The following KCNIP4 variants were observed in gnomAD, a reference collection of about 807,000 sequenced individuals.
KCNIP4 encodes the protein Kv channel-interacting protein 4.
In KCNIP4, 12 loss-of-function variants were observed where a neutral mutation model predicts 34.0. The ratio of observed to expected loss-of-function variants is 0.35; its 90% confidence interval spans 0.23 to 0.57. The LOEUF (loss-of-function observed/expected upper bound fraction) is 0.57. Among genes scored for constraint, KCNIP4 ranks in the 20% least tolerant of loss-of-function variants. The pLI, the probability that KCNIP4 is intolerant of heterozygous loss-of-function variation, is 0.83. For synonymous variants in KCNIP4, 124 were observed against 102.2 expected, an observed-to-expected ratio of 1.21 and a Z score of -1.29; for missense variants, 238 against 311.7, an observed-to-expected ratio of 0.76 and a Z score of 1.78.
intron 1 of KCNIP4, among the ~76,000 whole-genome samples, chr4:21,415,961 G>A (rs1480968361): frequency 2.0e-5 from 3 of 152,132 alleles, no homozygotes; most frequent in Non-Finnish European, 2.9e-5. Flanking sequence ...CTCTTCCGAC[G>A]TAGGCATTTT....
chr4:20,961,333 C>T (rs1019774875), intron 1 of KCNIP4, among the ~76,000 whole-genome samples: 1 of 152,102 alleles, frequency 6.6e-6, no homozygotes, highest in Admixed American at 6.5e-5. Context: ...CTTTATCCAG[C>T]CACCATCCTA....
Position 20,954,063 on chromosome 4 carries a change from G to A in KCNIP4, c.62-71354C>T, listed in dbSNP as rs1449219681. Among the ~76,000 whole-genome samples, 4 of 152,074 alleles carry A rather than the reference G, an allele frequency of 2.6e-5. No individual in the cohort carries two copies. In the South Asian group the frequency reaches 8.3e-4, roughly 32 times the overall value. On this transcript the variant is annotated intron_variant, in intron 1 of 8. Coordinates refer to ENST00000382152, the MANE Select transcript of KCNIP4 (RefSeq NM_025221.6). ...TAACATCCCTATTTCCAAGCTATGG[G>A]CATATGCATTCCATGTGATGTATGT... is the stretch of plus-strand genomic sequence containing the variant.
chr4:21,059,114 G>T (rs1743683131), intron 1 of KCNIP4, among the ~76,000 whole-genome samples: 1 of 152,108 alleles, frequency 6.6e-6, no homozygotes, highest in Admixed American at 6.6e-5. Context: ...ATGTGGAACT[G>T]AGCCGATTAA....
At chr4:21,025,138 T>C (rs1740404985) in intron 1 of KCNIP4, among the ~76,000 whole-genome samples, 1 of 152,168 alleles carries the variant, frequency 6.6e-6, no homozygotes, top group African/African-American at 2.4e-5. Context: ...TTTTACATGC[T>C]AAAGTCATAT....
At chr4:21,005,109 G>T (rs2149723580) in intron 1 of KCNIP4, among the ~76,000 whole-genome samples, 1 of 152,264 alleles carries the variant, frequency 6.6e-6, no homozygotes, top group East Asian at 1.9e-4. Flanking sequence ...GGGAGTTAAT[G>T]CTTATATGAC....
intron 1 of KCNIP4, among the ~76,000 whole-genome samples, chr4:21,045,280 A>G (rs1742334267): frequency 6.6e-6 from 1 of 152,096 alleles, no homozygotes. Context: ...TCCTCTGGGG[A>G]TTTTGGTAAA....
At chr4:21,215,286 C>T (rs536332534) in intron 1 of KCNIP4, among the ~76,000 whole-genome samples, 1 of 151,868 alleles carries the variant, frequency 6.6e-6, no homozygotes, top group African/African-American at 2.4e-5. Flanking sequence ...AATGAAGATA[C>T]TTCAATTAGA....
intron 1 of KCNIP4, among the ~76,000 whole-genome samples, chr4:21,681,153 C>A (rs992425774): frequency 1.4e-4 from 21 of 152,154 alleles, no homozygotes; most frequent in African/African-American, 5.1e-4. Flanking sequence ...TAGCTCCCTG[C>A]AGCCTTGATC....
At chr4:21,044,667 C>T (rs1432982501) in intron 1 of KCNIP4, among the ~76,000 whole-genome samples, 2 of 152,148 alleles carry the variant, frequency 1.3e-5, no homozygotes, top group South Asian at 2.1e-4. Context: ...AGCAAGAAGT[C>T]CAACCACCTA....
At chr4:20,940,109 TG>T (rs1455561577) in intron 1 of KCNIP4, among the ~76,000 whole-genome samples, 1 of 152,186 alleles carries the variant, frequency 6.6e-6, no homozygotes, top group African/African-American at 2.4e-5. Flanking sequence ...TCTGGTTTTG[TG>T]GTGGTCTTCT....
intron 1 of KCNIP4, among the ~76,000 whole-genome samples, chr4:21,293,376 C>T (rs976000076): frequency 1.3e-4 from 20 of 152,170 alleles, no homozygotes; most frequent in Admixed American, 9.8e-4. Context: ...CATACTCTCT[C>T]CACTCAGCCA....
At chr4:21,100,501 C>T (rs533898134) in intron 1 of KCNIP4, among the ~76,000 whole-genome samples, 171 of 152,046 alleles carry the variant, frequency 1.1e-3, no homozygotes, top group African/African-American at 4.0e-3. Flanking sequence ...TGCAGTGAGC[C>T]GAGATTGCAC....
chr4:20,766,050 A>G (rs1019722643), intron 3 of KCNIP4, among the ~76,000 whole-genome samples: 7 of 152,180 alleles, frequency 4.6e-5, no homozygotes, highest in African/African-American at 7.2e-5. Flanking sequence ...GATGATGACA[A>G]TGATGATACT....
intron 1 of KCNIP4, among the ~76,000 whole-genome samples, chr4:21,465,855 T>TA (rs1577405423): frequency 1.3e-5 from 2 of 152,152 alleles, no homozygotes; most frequent in East Asian, 3.9e-4. Context: ...AGCTAGGAGT[T>TA]AAGGCTCATT....
intron 1 of KCNIP4, among the ~76,000 whole-genome samples, chr4:21,370,838 T>TACACAC (rs1720323502): frequency 3.2e-5 from 1 of 30,780 alleles, no homozygotes. Context: ...TATATATATA[T>TACACAC]ATATATATAT....
chr4:21,513,654 C>T (rs112125937), intron 1 of KCNIP4, among the ~76,000 whole-genome samples: 15 of 152,334 alleles, frequency 9.8e-5, no homozygotes, highest in African/African-American at 2.6e-4. Context: ...GTAACATAGG[C>T]AGAACCTTCA....
At chr4:21,523,327 G>A (rs1160668732) in intron 1 of KCNIP4, among the ~76,000 whole-genome samples, 1 of 152,098 alleles carries the variant, frequency 6.6e-6, no homozygotes, top group Non-Finnish European at 1.5e-5. Context: ...TTGTGTGTGT[G>A]TGTCTGTGTG....
intron 1 of KCNIP4, among the ~76,000 whole-genome samples, chr4:21,326,125 T>C (rs940484449): frequency 6.6e-6 from 1 of 151,802 alleles, no homozygotes; most frequent in Admixed American, 6.6e-5. Flanking sequence ...TATGGCAGAT[T>C]AAGTTTGATG....
chr4:20,885,950 C>T (rs1049026704), intron 1 of KCNIP4, among the ~76,000 whole-genome samples: 2 of 152,070 alleles, frequency 1.3e-5, no homozygotes, highest in Non-Finnish European at 2.9e-5. Flanking sequence ...TTGAGGAAAA[C>T]CTTATAGGGC....
Sources: allele counts gnomAD v4.1 joint callset (sites outside exome capture counted in the v4.1 genomes callset), GRCh38; gene constraint gnomAD v4.1.1; transcripts MANE v1.5; gene names NCBI Gene and HGNC (gene_info 2026-07-23, HGNC 2026-07-21).